The following MAPKAP1 variants were observed in gnomAD, a reference collection of about 807,000 sequenced individuals.
MAPKAP1 encodes MAPK associated protein 1, also known as target of rapamycin complex 2 subunit MAPKAP1.
Under a neutral mutation model 65.7 loss-of-function variants are expected in MAPKAP1, and 20 were observed. The ratio of observed to expected loss-of-function variants is 0.30; its 90% confidence interval spans 0.21 to 0.44. MAPKAP1 has a LOEUF of 0.44. Ranked by LOEUF, MAPKAP1 falls within the 20% of genes least tolerant of loss-of-function variation. The pLI is 1.00. For synonymous variants in MAPKAP1, 222 were observed against 244.3 expected (o/e 0.91, Z 0.85); for missense variants, 423 against 648.0 (o/e 0.65, Z 3.77).
chr9:125,499,369 A>T (rs923321002), intron 8 of MAPKAP1, among the ~76,000 whole-genome samples: 5 of 152,244 alleles, frequency 3.3e-5, no homozygotes, highest in African/African-American at 1.2e-4. Context: ...ATTCCTACTT[A>T]AAAAATCCTT....
At chr9:125,601,139 C>G (rs1327738365) in intron 4 of MAPKAP1, among the ~76,000 whole-genome samples, 4 of 148,102 alleles carry the variant, frequency 2.7e-5, no homozygotes, top group Non-Finnish European at 4.5e-5. Context: ...ATATTTGACT[C>G]CATTACTAGA....
intron 5 of MAPKAP1, among the ~76,000 whole-genome samples, chr9:125,561,318 A>G (rs987683981): frequency 3.9e-5 from 6 of 152,208 alleles, no homozygotes; most frequent in Non-Finnish European, 8.8e-5. Flanking sequence ...ACTTCAGGCG[A>G]TCTATACTCA....
At chr9:125,695,202 C>T (rs1234710469) in intron 1 of MAPKAP1, among the ~76,000 whole-genome samples, 1 of 152,174 alleles carries the variant, frequency 6.6e-6, no homozygotes, top group South Asian at 2.1e-4. Flanking sequence ...AACTGAATTG[C>T]CCCATACCAG....
intron 8 of MAPKAP1, among the ~76,000 whole-genome samples, chr9:125,486,777 C>T (rs993515580): frequency 5.9e-5 from 9 of 152,122 alleles, no homozygotes; most frequent in African/African-American, 2.2e-4. Context: ...ATGCTGTCCT[C>T]TCTGCCCAGG....
intron 1 of MAPKAP1, among the ~76,000 whole-genome samples, chr9:125,696,717 A>C (rs748707116): frequency 3.3e-5 from 5 of 152,174 alleles, no homozygotes; most frequent in Non-Finnish European, 7.4e-5. Context: ...TAATCAATCA[A>C]ATCTTTTGTT....
chr9:125,564,188 G>A (rs976999591), intron 5 of MAPKAP1, among the ~76,000 whole-genome samples: 1 of 152,226 alleles, frequency 6.6e-6, no homozygotes, highest in Non-Finnish European at 1.5e-5. Context: ...AGGCAAAGGT[G>A]AGGATGAAAG....
At chr9:125,519,389 A>G (rs1054932077) in intron 7 of MAPKAP1, among the ~76,000 whole-genome samples, 1 of 152,120 alleles carries the variant, frequency 6.6e-6, no homozygotes, top group Non-Finnish European at 1.5e-5. Flanking sequence ...TAATCCCAGC[A>G]CTTTGGGAGG....
At chr9:125,659,758 C>T (rs539639447) in intron 3 of MAPKAP1, among the ~76,000 whole-genome samples, 20 of 151,756 alleles carry the variant, frequency 1.3e-4, no homozygotes, top group African/African-American at 3.9e-4. Flanking sequence ...TACTCCCTCC[C>T]TTCTGGTTAC....
intron 4 of MAPKAP1, among the ~76,000 whole-genome samples, chr9:125,649,455 C>CT (rs1833828059): frequency 6.6e-6 from 1 of 152,102 alleles, no homozygotes; most frequent in South Asian, 2.1e-4. Context: ...TCGTTTTCTC[C>CT]TCTGAATGGC....
chr9:125,492,627 A>G (rs182343550), intron 8 of MAPKAP1, among the ~76,000 whole-genome samples: 1 of 152,364 alleles, frequency 6.6e-6, no homozygotes, highest in African/African-American at 2.4e-5. Context: ...AACTCACCGT[A>G]TATTACTGGA....
At chr9:125,516,342 C>T (rs1829460246) in intron 7 of MAPKAP1, among the ~76,000 whole-genome samples, 1 of 152,138 alleles carries the variant, frequency 6.6e-6, no homozygotes, top group Non-Finnish European at 1.5e-5. Flanking sequence ...TCAGCTAAAA[C>T]CAGAAATTAA....
intron 4 of MAPKAP1, among the ~76,000 whole-genome samples, chr9:125,654,895 A>C (rs897494633): frequency 1.3e-5 from 2 of 152,202 alleles, no homozygotes; most frequent in Non-Finnish European, 2.9e-5. Flanking sequence ...TCTTGAGGCA[A>C]TACATAATTA....
intron 9 of MAPKAP1, among the ~76,000 whole-genome samples, chr9:125,484,061 T>C (rs1159619208): frequency 1.3e-5 from 2 of 152,158 alleles, no homozygotes. Flanking sequence ...AAAAGCTTCC[T>C]GAATAAAGGC....
chr9:125,650,030 A>T (rs1401692575), intron 4 of MAPKAP1, among the ~76,000 whole-genome samples: 1 of 152,186 alleles, frequency 6.6e-6, no homozygotes, highest in African/African-American at 2.4e-5. Context: ...GACACGGACC[A>T]GGAAATCATC....
At chr9:125,461,597 G>A (rs2132975642) in intron 10 of MAPKAP1, among the ~76,000 whole-genome samples, 1 of 152,292 alleles carries the variant, frequency 6.6e-6, no homozygotes, top group East Asian at 1.9e-4. Flanking sequence ...AAACATATCT[G>A]TTAAAAGGAT....
intron 7 of MAPKAP1, among the ~76,000 whole-genome samples, chr9:125,525,605 G>A (rs981659752): frequency 3.9e-5 from 6 of 152,044 alleles, no homozygotes; most frequent in Admixed American, 6.5e-5. Flanking sequence ...CCTGGGAGGC[G>A]GAGGTTGTGG....
intron 4 of MAPKAP1, among the ~76,000 whole-genome samples, chr9:125,652,739 C>G (rs1833927968): frequency 6.6e-6 from 1 of 152,126 alleles, no homozygotes; most frequent in South Asian, 2.1e-4. Flanking sequence ...GAACCATTTT[C>G]TCACCAAAAG....
intron 3 of MAPKAP1, among the ~76,000 whole-genome samples, chr9:125,666,806 T>C (rs973609942): frequency 6.6e-6 from 1 of 152,238 alleles, no homozygotes. Context: ...TTTTCTAGCA[T>C]GCTTCAATAC....
chr9:125,679,583 T>G (rs1264814187), intron 1 of MAPKAP1, among the ~76,000 whole-genome samples: 2 of 152,196 alleles, frequency 1.3e-5, no homozygotes, highest in African/African-American at 2.4e-5. Context: ...GGGTTTACTT[T>G]AAATATCTAG....
Sources: gnomAD v4.1 joint callset for allele counts (sites outside exome capture counted in the v4.1 genomes callset) on GRCh38, gnomAD v4.1.1 for gene constraint, MANE v1.5 for transcripts, NCBI Gene and HGNC (gene_info 2026-07-23, HGNC 2026-07-21) for gene names.